SRPX2: variants seen among roughly 807,000 people sequenced by gnomAD.
SRPX2 encodes the protein sushi repeat containing protein X-linked 2.
In SRPX2, 26 loss-of-function variants were observed where a neutral mutation model predicts 45.3. The observed-to-expected ratio is 0.57, with a 90% CI of 0.42 to 0.80. SRPX2 has a LOEUF of 0.80. Among genes scored for constraint, SRPX2 ranks in the 30% least tolerant of loss-of-function variants. The probability of loss-of-function intolerance (pLI) is 0.00; values close to 1 mark genes in which losing one functional copy is unlikely to be tolerated. For synonymous variants in SRPX2, 125 were observed against 143.7 expected, an observed-to-expected ratio of 0.87 and a Z score of 0.93; for missense variants, 355 against 399.8, an observed-to-expected ratio of 0.89 and a Z score of 0.95.
chrX:100,650,047 A>G (rs1057079939), intron 2 of SRPX2: 3 of 112,494 alleles, frequency 2.7e-5, no homozygotes, highest in African/African-American at 9.7e-5. Context: ...GGACTGGGCC[A>G]CTTAACTGGA....
chrX:100,663,794 C>T (rs375195071), intron 4 of SRPX2, among the ~76,000 whole-genome samples: 2 of 112,419 alleles, frequency 1.8e-5, no homozygotes, highest in Admixed American at 9.4e-5. Flanking sequence ...CTCTGCCACA[C>T]GTGGTGTCCA....
At chrX:100,661,485 C>A (rs12857719) in intron 3 of SRPX2, among the ~76,000 whole-genome samples, 12 of 112,445 alleles carry the variant, frequency 1.1e-4, no homozygotes, top group Non-Finnish European at 1.9e-4. Flanking sequence ...AAATTTAATT[C>A]TTCTGGCCGG....
At chrX:100,659,770 T>C (rs2083180948) in intron 3 of SRPX2, among the ~76,000 whole-genome samples, 2 of 87,678 alleles carry the variant, frequency 2.3e-5, no homozygotes, top group Non-Finnish European at 4.4e-5. Flanking sequence ...TGGTGTCTCA[T>C]CTACTTCTTT....
intron 10 of SRPX2, among the ~76,000 whole-genome samples, chrX:100,669,792 G>A (rs187250458): frequency 0.041 from 282 of 6,866 alleles, no homozygotes; most frequent in Non-Finnish European, 0.17. Context: ...TTTTTTTTGA[G>A]ACACAGTTTT....
chrX:100,665,773 G>C (rs1425014377), intron 7 of SRPX2, 116 bp downstream of exon 7: 2 of 1,093,067 alleles, frequency 1.8e-6, no homozygotes, highest in Non-Finnish European at 2.5e-6. Flanking sequence ...ACTGGGAGAG[G>C]AGAAAAACAA....
intron 3 of SRPX2, among the ~76,000 whole-genome samples, chrX:100,657,379 C>T: frequency 1.5e-4 from 1 of 6,690 alleles, no homozygotes; most frequent in African/African-American, 2.8e-4. Flanking sequence ...GAGACAGAGT[C>T]TCACTCTGTC....
intron 2 of SRPX2, among the ~76,000 whole-genome samples, chrX:100,647,793 G>T (rs1010662514): frequency 8.9e-6 from 1 of 112,634 alleles, no homozygotes; most frequent in African/African-American, 3.2e-5. Flanking sequence ...ATTCAGTTGA[G>T]GTTCTCAAAG....
intron 3 of SRPX2, among the ~76,000 whole-genome samples, chrX:100,661,934 T>G (rs1293174935): frequency 3.1e-5 from 2 of 64,169 alleles, no homozygotes; most frequent in Non-Finnish European, 5.7e-5. Flanking sequence ...CGAGGTGGGG[T>G]TTTTTTTTTT....
At chrX:100,652,807 G>T (rs3788736) in intron 3 of SRPX2, among the ~76,000 whole-genome samples, 16,186 of 110,452 alleles carry the variant, frequency 0.15, 993 homozygotes, top group African/African-American at 0.23. Flanking sequence ...TACCTTCTAC[G>T]CACGTTCTTC....
At chrX:100,661,074 A>C (rs2147646657) in intron 3 of SRPX2, 1 of 111,845 alleles carries the variant, frequency 8.9e-6, no homozygotes, top group East Asian at 2.8e-4. Flanking sequence ...TAGCCAAAAT[A>C]TTTTCCAAAG....
intron 3 of SRPX2, among the ~76,000 whole-genome samples, chrX:100,661,643 G>A (rs2083187587): frequency 8.9e-6 from 1 of 111,784 alleles, no homozygotes; most frequent in African/African-American, 3.3e-5. Context: ...GATGGCAGGC[G>A]CCTGTAGTCC....
Position 100,671,441 on chromosome X carries a change from CTT to C in SRPX2, c.*469_*470del, listed in dbSNP as rs34012120. ...GGTGGGTAGCAGGGTACAAAACATC[CTT>C]TTTTTTTTTTTTTTGAGACGGAGTC... On this transcript the variant is annotated 3_prime_UTR_variant, in exon 11 of 11. Transcript: ENST00000373004. The C allele has an allele frequency of 1.6e-3, 142 of 89,974 alleles. No homozygotes were observed. Among genetic ancestry groups the C allele is most frequent in the East Asian group, 4.6e-3 (16 of 3,467 alleles). 7.4% of individuals were successfully genotyped at this position (89,974 alleles called of 1,213,427 possible). A position where few individuals can be genotyped will look rare whatever the true frequency, so the allele number is the denominator to read the frequency against.
At position 100,673,780 on chromosome X, in the gene SRPX2, TAG is replaced by T. The variant is rs1442096801; in HGVS notation, c.*2796_*2797del. The stretch of plus-strand genomic sequence containing the variant: ...TCTCACAGGAGGCCACATGGTGCAG[TAG>T]AGTCAGACTTTGATTCAAAGCCCAA... On this transcript the variant is annotated 3_prime_UTR_variant, in exon 11 of 11. Coordinates refer to ENST00000373004, the MANE Select transcript of SRPX2 (RefSeq NM_014467.3). The T allele has an allele frequency of 8.9e-6, 1 of 112,179 alleles. No homozygotes were observed. The highest frequency in any genetic ancestry group is 2.8e-4 in the East Asian group (1 of 3,575). 9.2% of individuals were successfully genotyped at this position (112,179 alleles called of 1,213,427 possible).
chrX:100,669,551 C>G (rs1602726659), intron 10 of SRPX2, among the ~76,000 whole-genome samples, 182 bp downstream of exon 10: 2 of 110,960 alleles, frequency 1.8e-5, no homozygotes, highest in East Asian at 5.7e-4. Context: ...AGTTTCTTTA[C>G]TTTGGTAGAA....
chrX:100,655,796 T>C lies in SRPX2; in HGVS notation c.163+4931T>C, dbSNP rs752266574. ...GATACACAATAAAGACTTACACACT[T>C]CCTACCAGACAATTTTGCTATACAG... On this transcript the variant is annotated intron_variant, in intron 3 of 10. Transcript: ENST00000373004. Among the ~76,000 whole-genome samples the C allele has an allele frequency of 2.6e-3, 280 of 109,151 alleles. 1 individual carries two copies. Among genetic ancestry groups the C allele is most frequent in the African/African-American group, 8.4e-3 (252 of 29,952 alleles). The allele number at this position is 109,151 out of a possible 115,157, so 94.8% of individuals were successfully genotyped here. A position where few individuals can be genotyped will look rare whatever the true frequency, so the allele number is the denominator to read the frequency against.
rs1157386983 is a variant in SRPX2 at position 100,664,795 on chromosome X, C to T, written c.377C>T (p.Pro126Leu). ...YCRQMRCHAL[P>L]FITSGTYTCT... ...TTAGAGATGAGATGCCACGCACTACCATTCATCACTAGTGGCACTTACACC... is the reference window on the plus strand; with the variant it reads ...TTAGAGATGAGATGCCACGCACTACTATTCATCACTAGTGGCACTTACACC... The change falls in exon 5 of 11, where the codon CCA becomes CTA. Residue 126 changes from proline to leucine, a missense_variant. By Grantham distance (98) the Pro-to-Leu change is moderately conservative (BLOSUM62 -3). Coordinates refer to ENST00000373004, the MANE Select transcript of SRPX2 (RefSeq NM_014467.3). 1 of 1,205,385 alleles carries T rather than the reference C, an allele frequency of 8.3e-7. No individual in the cohort carries two copies. Among genetic ancestry groups the T allele is most frequent in the African/African-American group, 1.7e-5 (1 of 57,256 alleles).
At chrX:100,666,699 CCTTTCCTT>C (rs2083205520) in intron 7 of SRPX2, 47 bp from the exon 8 acceptor site, 2 of 1,201,342 alleles carry the variant, frequency 1.7e-6, no homozygotes, top group Non-Finnish European at 2.3e-6. Context: ...ACCCTCTTAG[CCTTTCCTT>C]CTTATAAGAA....
At chrX:100,650,418 A>G (rs1348739297) in intron 2 of SRPX2, among the ~76,000 whole-genome samples, 1 of 112,005 alleles carries the variant, frequency 8.9e-6, no homozygotes, top group Admixed American at 9.4e-5. Context: ...CTCAGAGATT[A>G]GTCCCCAGTG....
chrX:100,661,726 C>T (rs951838273), intron 3 of SRPX2, among the ~76,000 whole-genome samples: 5 of 112,034 alleles, frequency 4.5e-5, no homozygotes, highest in African/African-American at 1.6e-4. Context: ...GCTGAGATTA[C>T]GCCACTGCAC....
Sources: allele counts gnomAD v4.1 joint callset (sites outside exome capture counted in the v4.1 genomes callset), GRCh38; gene constraint gnomAD v4.1.1; transcripts MANE v1.5; gene names NCBI Gene and HGNC (gene_info 2026-07-23, HGNC 2026-07-21).